OTOA: variants seen among roughly 807,000 people sequenced by gnomAD.
OTOA encodes the protein cancer/testis antigen 108.
Under a neutral mutation model 110.8 loss-of-function variants are expected in OTOA, and 70 were observed. The observed-to-expected ratio is 0.63, with a 90% CI of 0.52 to 0.77. The LOEUF is 0.77. OTOA is among the 30% of genes least tolerant of loss of function. The pLI is 0.00. For synonymous variants in OTOA, 373 were observed against 431.5 expected, an observed-to-expected ratio of 0.86 and a Z score of 1.68; for missense variants, 917 against 1,075.8, an observed-to-expected ratio of 0.85 and a Z score of 2.06.
At chr16:21,678,659 G>A in intron 2 of OTOA, 54 bp downstream of exon 2, 1 of 1,491,780 alleles carries the variant, frequency 6.7e-7, no homozygotes, top group Non-Finnish European at 9.4e-7. Context: ...TTTAGGGAAT[G>A]AGGTGGGATA....
At chr16:21,720,395 A>G (rs996312020) in intron 17 of OTOA, among the ~76,000 whole-genome samples, 2 of 152,254 alleles carry the variant, frequency 1.3e-5, no homozygotes, top group African/African-American at 2.4e-5. Flanking sequence ...GTTTCAGACC[A>G]GAATGAAGAA....
At chr16:21,692,337 A>G (rs1454481193) in intron 9 of OTOA, among the ~76,000 whole-genome samples, 2 of 152,238 alleles carry the variant, frequency 1.3e-5, no homozygotes, top group East Asian at 3.9e-4. Context: ...GAAAAAAAAA[A>G]AAAGAGAGAG....
At chr16:21,759,687 G>A (rs1451894330) in intron 28 of OTOA, among the ~76,000 whole-genome samples, 7 of 151,984 alleles carry the variant, frequency 4.6e-5, no homozygotes, top group Non-Finnish European at 8.8e-5. Flanking sequence ...GATCACTTGG[G>A]GTTAGAAATT....
In OTOA at chr16:21,722,803, G is replaced by T. The variant is rs567037148; in HGVS notation, c.1807-102G>T. On this transcript the variant is annotated intron_variant, in intron 17 of 28. Transcript: ENST00000646100. ...TCATAGGGTGCTCTATTGCATAAAT[G>T]AACACGTATGAAGCACTTAGAATAG... 10 of 1,028,942 alleles carry T rather than the reference G, an allele frequency of 9.7e-6. No individual in the cohort carries two copies. The East Asian group carries it at 2.2e-4, about 22-fold the overall frequency. 63.7% of individuals were successfully genotyped at this position (1,028,942 alleles called of 1,614,324 possible).
At chr16:21,686,174 A>C (rs1330541600) in intron 7 of OTOA, among the ~76,000 whole-genome samples, 3 of 152,144 alleles carry the variant, frequency 2.0e-5, no homozygotes, top group Non-Finnish European at 4.4e-5. Context: ...GAACCTGGGA[A>C]TGCCTGACCC....
chr16:21,692,692 T>C (rs1833101416), intron 9 of OTOA, among the ~76,000 whole-genome samples: 1 of 152,022 alleles, frequency 6.6e-6, no homozygotes, highest in African/African-American at 2.4e-5. Context: ...TTTGGGAGGC[T>C]GAGTCAGGCA....
Position 21,682,774 on chromosome 16 carries a change from A to T in OTOA, c.267+949A>T, listed in dbSNP as rs549714550. ...TAATTAATGAATAAAGTTCTGACAT[A>T]TGTCTTCATTGTTTCCATTTTTACT... On this transcript the variant is annotated intron_variant, in intron 6 of 28. Transcript: ENST00000646100. 5.3e-3 allele frequency among the ~76,000 whole-genome samples: 573 copies of T among 107,970 alleles called. 3 individuals carry two copies. Among genetic ancestry groups the T allele is most frequent in the African/African-American group, 0.027 (534 of 19,784 alleles). 70.8% of individuals were successfully genotyped at this position (107,970 alleles called of 152,430 possible).
intron 16 of OTOA, 43 bp from the exon 17 acceptor site, chr16:21,719,344 C>G (rs900873956): frequency 9.4e-6 from 15 of 1,592,476 alleles, no homozygotes; most frequent in Non-Finnish European, 1.3e-5. Context: ...TTCCTCTCCT[C>G]CTCACTTCCT....
rs527285911 is a variant in OTOA at position 21,752,119 on chromosome 16, T to TCATCCATCCATC, written c.2918+81_2918+92dup. The TCATCCATCCATC allele has an allele frequency of 1.2e-3, 202 of 163,454 alleles. 2 individuals carry two copies. The highest frequency in any genetic ancestry group is 0.011 in the African/African-American group (166 of 14,614). The allele number at this position is 163,454 out of a possible 1,614,324, so 10.1% of individuals were successfully genotyped here. A position where few individuals can be genotyped will look rare whatever the true frequency, so the allele number is the denominator to read the frequency against. ...TGTGCAAAATGGCAAATGGGTTAAT[T>TCATCCATCCATC]CATCCATCCATCCATCCATCCATCC... On this transcript the variant is annotated intron_variant, in intron 25 of 28. Transcript: ENST00000646100.
chr16:21,704,507 T>C (rs1417765823), intron 11 of OTOA, among the ~76,000 whole-genome samples: 1 of 152,158 alleles, frequency 6.6e-6, no homozygotes, highest in Non-Finnish European at 1.5e-5. Flanking sequence ...ACCTGCCTTG[T>C]AGGGTTGCTG....
chr16:21,680,241 C>T (rs1004746838), intron 5 of OTOA, among the ~76,000 whole-genome samples: 4 of 151,044 alleles, frequency 2.6e-5, no homozygotes, highest in African/African-American at 9.8e-5. Context: ...AGGCCGGGCG[C>T]GGTGGCTCAT....
rs1248739614 is a variant in OTOA, at chr16:21,679,028, C to T, written c.121-8C>T. On this transcript the variant is annotated splice_region_variant and splice_polypyrimidine_tract_variant and intron_variant, in intron 3 of 28. Transcript: ENST00000646100. ...TGTTATACTTGATGTTATCTCTTTG[C>T]CTTTTAGGAAGAAATAATAGATGGA... is the stretch of plus-strand genomic sequence containing the variant. 2 of 1,613,858 alleles carry T rather than the reference C, an allele frequency of 1.2e-6. No homozygotes were observed. The highest frequency in any genetic ancestry group is 1.7e-6 in the Non-Finnish European group (2 of 1,179,876).
intron 9 of OTOA, among the ~76,000 whole-genome samples, chr16:21,693,245 T>C (rs1005624391): frequency 1.3e-5 from 2 of 152,126 alleles, no homozygotes; most frequent in Non-Finnish European, 2.9e-5. Context: ...GCCTGAGTGA[T>C]GTAGTGAGAC....
intron 13 of OTOA, among the ~76,000 whole-genome samples, chr16:21,714,463 C>CTTTA (rs1898482839): frequency 7.5e-6 from 1 of 134,172 alleles, no homozygotes; most frequent in Non-Finnish European, 1.6e-5. Flanking sequence ...TCTCTCTCTT[C>CTTTA]TTTCTTTCTT....
intron 12 of OTOA, among the ~76,000 whole-genome samples, chr16:21,708,617 G>A (rs1007901347): frequency 6.6e-6 from 1 of 152,168 alleles, no homozygotes; most frequent in Non-Finnish European, 1.5e-5. Context: ...TTTTACAGAT[G>A]TGGAAACTGA....
intron 21 of OTOA, among the ~76,000 whole-genome samples, chr16:21,735,278 G>C (rs1375754993): frequency 1.3e-5 from 2 of 152,236 alleles, no homozygotes; most frequent in East Asian, 3.9e-4. Flanking sequence ...GAAGGCGAAG[G>C]GGGAGCAGAC....
At chr16:21,690,638 A>G (rs1897810815) in intron 8 of OTOA, among the ~76,000 whole-genome samples, 1 of 152,064 alleles carries the variant, frequency 6.6e-6, no homozygotes, top group South Asian at 2.1e-4. Context: ...TATTGTGATT[A>G]GTGCTGCAAT....
chr16:21,718,676 G>A (rs149259139), intron 15 of OTOA, among the ~76,000 whole-genome samples: 55 of 152,270 alleles, frequency 3.6e-4, no homozygotes, highest in African/African-American at 1.3e-3. Context: ...TCATTGGGGG[G>A]TGGTTTGAAG....
chr16:21,751,666 C>T (rs1899830639), intron 24 of OTOA, among the ~76,000 whole-genome samples: 1 of 111,834 alleles, frequency 8.9e-6, no homozygotes, highest in Non-Finnish European at 2.0e-5. Context: ...AGCAGACACA[C>T]AGGACACAAG....
Sources: gnomAD v4.1 joint callset for allele counts (sites outside exome capture counted in the v4.1 genomes callset) on GRCh38, gnomAD v4.1.1 for gene constraint, MANE v1.5 for transcripts, NCBI Gene and HGNC (gene_info 2026-07-23, HGNC 2026-07-21) for gene names.